ATP2B2: variants seen among roughly 807,000 people sequenced by gnomAD.
ATP2B2 encodes ATPase plasma membrane Ca2+ transporting 2.
In ATP2B2, 15 loss-of-function variants were observed where a neutral mutation model predicts 120.0. The observed-to-expected ratio is 0.12, with a 90% CI of 0.08 to 0.19. The LOEUF (loss-of-function observed/expected upper bound fraction) is 0.19. ATP2B2 is among the 10% of genes least tolerant of loss of function. The pLI, the probability that ATP2B2 is intolerant of heterozygous loss-of-function variation, is 1.00. For synonymous variants in ATP2B2, 694 were observed against 700.3 expected (o/e 0.99, Z 0.14); for missense variants, 1,045 against 1,719.8 (o/e 0.61, Z 6.94).
At chr3:10,511,565 G>C (rs558051866) in intron 3 of ATP2B2, among the ~76,000 whole-genome samples, 204 of 152,260 alleles carry the variant, frequency 1.3e-3, no homozygotes, top group African/African-American at 4.6e-3. Context: ...GCTATTTCCT[G>C]AGCTGTCAAT....
chr3:10,468,851 C>T (rs2064864226), intron 1 of ATP2B2, among the ~76,000 whole-genome samples: 1 of 152,248 alleles, frequency 6.6e-6, no homozygotes, highest in South Asian at 2.1e-4. Flanking sequence ...GGCCCACTTG[C>T]TCCACCCCAC....
intron 14 of ATP2B2, among the ~76,000 whole-genome samples, chr3:10,351,648 G>C (rs2060581716): frequency 6.6e-6 from 1 of 152,316 alleles, no homozygotes; most frequent in Non-Finnish European, 1.5e-5. Flanking sequence ...CCCAGTACCT[G>C]TGTATGTGAC....
intron 1 of ATP2B2, among the ~76,000 whole-genome samples, chr3:10,661,792 G>A (rs1575601558): frequency 6.6e-6 from 1 of 152,194 alleles, no homozygotes; most frequent in East Asian, 1.9e-4. Flanking sequence ...GCTTTGCCAA[G>A]TCAATCCTAA....
intron 2 of ATP2B2, among the ~76,000 whole-genome samples, chr3:10,597,669 T>C (rs1294821313): frequency 1.3e-5 from 2 of 152,204 alleles, no homozygotes; most frequent in African/African-American, 4.8e-5. Flanking sequence ...TGAATCTCGG[T>C]TCTACCTCTT....
chr3:10,703,143 G>T (rs1002754808), intron 1 of ATP2B2, among the ~76,000 whole-genome samples: 2 of 152,146 alleles, frequency 1.3e-5, no homozygotes, highest in East Asian at 3.9e-4. Context: ...AATCCTCAGC[G>T]GCTCACTCCA....
intron 2 of ATP2B2, among the ~76,000 whole-genome samples, chr3:10,569,015 C>T (rs995531019): frequency 2.0e-5 from 3 of 152,198 alleles, no homozygotes; most frequent in African/African-American, 7.2e-5. Context: ...GACTCTTCCC[C>T]ATCTCGATGG....
intron 1 of ATP2B2, among the ~76,000 whole-genome samples, chr3:10,492,218 C>G (rs973837398): frequency 4.0e-5 from 6 of 151,080 alleles, no homozygotes. Context: ...CCGGGGTGCT[C>G]TGCTGGGGGA....
chr3:10,403,805 C>G (rs1421841044), intron 3 of ATP2B2, among the ~76,000 whole-genome samples: 2 of 152,214 alleles, frequency 1.3e-5, no homozygotes, highest in Non-Finnish European at 2.9e-5. Flanking sequence ...AGAGACTCAC[C>G]TGGGGTCACA....
At chr3:10,615,261 G>T (rs1208581533) in intron 2 of ATP2B2, among the ~76,000 whole-genome samples, 2 of 152,206 alleles carry the variant, frequency 1.3e-5, no homozygotes, top group Non-Finnish European at 2.9e-5. Context: ...TGGGGTGGGT[G>T]ATCAGGGACA....
In ATP2B2 at chr3:10,375,674, G is replaced by A. The variant is rs1290720435; in HGVS notation, c.1202-30C>T. 3 of 1,599,218 alleles carry A rather than the reference G, an allele frequency of 1.9e-6. No homozygotes were observed. The highest frequency in any genetic ancestry group is 2.6e-6 in the Non-Finnish European group (3 of 1,167,840). ...AATGTGAGGGACACATGCTTGGGGG[G>A]TTCCAGGAAGTGGAGGCTGGGGGTG... On this transcript the variant is annotated intron_variant, in intron 10 of 22. Coordinates refer to ENST00000360273, the MANE Select transcript of ATP2B2 (RefSeq NM_001001331.4). The surrounding 1 kb of genome is among the most constrained non-coding windows in gnomAD (Gnocchi z 4.2).
intron 2 of ATP2B2, among the ~76,000 whole-genome samples, chr3:10,421,012 A>G (rs1008162522): frequency 1.3e-5 from 2 of 152,188 alleles, no homozygotes; most frequent in African/African-American, 4.8e-5. Context: ...CGGCTTCAGC[A>G]TCACCTGGGG....
intron 1 of ATP2B2, among the ~76,000 whole-genome samples, chr3:10,477,619 C>T (rs1320589395): frequency 1.3e-5 from 2 of 152,158 alleles, no homozygotes; most frequent in East Asian, 1.9e-4. Context: ...ACTACTGTAG[C>T]GACCTCATAT....
intron 2 of ATP2B2, among the ~76,000 whole-genome samples, chr3:10,579,687 G>A (rs952890968): frequency 2.0e-5 from 3 of 152,208 alleles, no homozygotes; most frequent in African/African-American, 4.8e-5. Flanking sequence ...GTGAATGCCT[G>A]TAATCCCAGT....
At chr3:10,437,819 A>T (rs193177130) in intron 2 of ATP2B2, among the ~76,000 whole-genome samples, 2 of 152,338 alleles carry the variant, frequency 1.3e-5, no homozygotes, top group East Asian at 3.9e-4. Flanking sequence ...AATTAAGATG[A>T]GGCCATTAGG....
chr3:10,459,786 C>T (rs986235966), intron 1 of ATP2B2, among the ~76,000 whole-genome samples: 5 of 152,230 alleles, frequency 3.3e-5, no homozygotes, highest in African/African-American at 7.2e-5. Flanking sequence ...TCCTTCACAA[C>T]GATGCTTTGC....
chr3:10,401,968 GT>G (rs2062235874), intron 4 of ATP2B2, 122 bp downstream of exon 4: 1 of 1,513,986 alleles, frequency 6.6e-7, no homozygotes, highest in Non-Finnish European at 9.0e-7. Flanking sequence ...AGACATCTTG[GT>G]TTGGGATCAG....
intron 2 of ATP2B2, among the ~76,000 whole-genome samples, chr3:10,411,764 G>A (rs893297178): frequency 6.6e-6 from 1 of 152,348 alleles, no homozygotes. Context: ...GGCCCTCACC[G>A]TGGATGCCTT....
chr3:10,345,426 C>G lies in ATP2B2; in HGVS notation c.2661G>C (p.Val887=), dbSNP rs2125392232. Reference sequence around the variant, plus strand: ...CTGTGAAGGCCACAATCACGGCCACCACGTTGACGGTGAGCTGGAACTGCA... The same window carrying G: ...CTGTGAAGGCCACAATCACGGCCACGACGTTGACGGTGAGCTGGAACTGCA... ...KFLQFQLTVN[V]VAVIVAFTGA... is the part of the protein sequence containing the mutation. The change falls in exon 18 of 23, where the codon GTG becomes GTC. Residue 887 remains valine (V), a synonymous_variant. Transcript: ENST00000360273. 5 of 1,614,222 alleles carry G rather than the reference C, an allele frequency of 3.1e-6. No homozygotes were observed. Among genetic ancestry groups the G allele is most frequent in the Middle Eastern group, 1.6e-4 (1 of 6,062 alleles).
At chr3:10,673,800 C>T (rs1376281409) in intron 1 of ATP2B2, among the ~76,000 whole-genome samples, 3 of 65,414 alleles carry the variant, frequency 4.6e-5, no homozygotes, top group Admixed American at 2.5e-4. Flanking sequence ...GGGTGAGACC[C>T]TGTTTCAAAA....
Sources: gnomAD v4.1 joint callset for allele counts (sites outside exome capture counted in the v4.1 genomes callset) on GRCh38, gnomAD v4.1.1 for gene constraint, Gnocchi (gnomAD v3.1) non-coding constraint, MANE v1.5 for transcripts, NCBI Gene and HGNC (gene_info 2026-07-23, HGNC 2026-07-21) for gene names.